RBFOX1: variants seen among roughly 807,000 people sequenced by gnomAD.
RBFOX1 encodes RNA binding protein fox-1 homolog 1.
Under a neutral mutation model 57.7 loss-of-function variants are expected in RBFOX1, and 8 were observed. The observed-to-expected ratio is 0.14, with a 90% CI of 0.08 to 0.25. The LOEUF (loss-of-function observed/expected upper bound fraction) is 0.25, where lower values mean the gene tolerates loss of function less well. Among genes scored for constraint, RBFOX1 ranks in the 10% least tolerant of loss-of-function variants. The pLI is 1.00. For missense variants in RBFOX1, 611 were observed against 548.5 expected, an observed-to-expected ratio of 1.11 and a Z score of -1.14; for synonymous variants, 326 against 222.4, an observed-to-expected ratio of 1.47 and a Z score of -4.15.
At chr16:5,808,669 C>G (rs1870994339) in intron 3 of RBFOX1, among the ~76,000 whole-genome samples, 1 of 152,030 alleles carries the variant, frequency 6.6e-6, no homozygotes, top group South Asian at 2.1e-4. Flanking sequence ...GTATTTTATT[C>G]TCTTTGAAGC....
intron 3 of RBFOX1, among the ~76,000 whole-genome samples, chr16:7,049,548 T>C (rs1435843708): frequency 2.0e-5 from 3 of 152,092 alleles, no homozygotes; most frequent in African/African-American, 7.2e-5. Flanking sequence ...AAAACCAGAG[T>C]GCTTCTCCTG....
chr16:7,396,326 C>T lies in RBFOX1; in HGVS notation c.28-121821C>T, dbSNP rs139667839. ...TGTGGCCCCTGAGCAACAGTGTAAA[C>T]GGGCATACCTCAGTTACAAGCGGAT... On this transcript the variant is annotated intron_variant, in intron 4 of 15. Transcript: ENST00000550418. 1.5e-3 allele frequency among the ~76,000 whole-genome samples: 225 copies of T among 152,252 alleles called. 1 individual carries two copies. Among genetic ancestry groups the T allele is most frequent in the African/African-American group, 4.9e-3 (203 of 41,534 alleles).
chr16:7,566,150 G>C (rs1167159224), intron 5 of RBFOX1, among the ~76,000 whole-genome samples: 1 of 152,158 alleles, frequency 6.6e-6, no homozygotes, highest in Non-Finnish European at 1.5e-5. Context: ...ATTTGATAGA[G>C]TGTTTATCCA....
At chr16:7,002,762 A>G (rs2092942449) in intron 3 of RBFOX1, among the ~76,000 whole-genome samples, 1 of 152,172 alleles carries the variant, frequency 6.6e-6, no homozygotes. Flanking sequence ...TAAGTGGCTT[A>G]AAATACACTT....
intron 1 of RBFOX1, among the ~76,000 whole-genome samples, chr16:5,452,732 C>G (rs572608013): frequency 1.1e-4 from 17 of 151,938 alleles, no homozygotes; most frequent in African/African-American, 3.4e-4. Flanking sequence ...CAACCTCCGC[C>G]TCCTAGGTTC....
intron 2 of RBFOX1, among the ~76,000 whole-genome samples, chr16:6,576,476 C>G (rs983151493): frequency 2.6e-5 from 4 of 152,162 alleles, no homozygotes; most frequent in Admixed American, 2.6e-4. Context: ...CGAAGACCTG[C>G]TGTACTCTGA....
intron 4 of RBFOX1, among the ~76,000 whole-genome samples, chr16:7,467,387 G>C (rs532804827): frequency 1.2e-4 from 19 of 152,246 alleles, no homozygotes; most frequent in African/African-American, 4.3e-4. Context: ...GCCTTCTAGG[G>C]TTTTCTTGAA....
intron 12 of RBFOX1, among the ~76,000 whole-genome samples, chr16:7,656,880 G>A (rs541930058): frequency 2.0e-5 from 3 of 152,272 alleles, no homozygotes; most frequent in African/African-American, 7.2e-5. Context: ...TCCCAGAAGA[G>A]AAGAAATATG....
chr16:5,646,617 C>T lies in RBFOX1; in HGVS notation c.318+47656C>T, dbSNP rs1477382377. Among the ~76,000 whole-genome samples the T allele has an allele frequency of 2.0e-5, 3 of 151,958 alleles. No individual in the cohort carries two copies. The East Asian group carries it at 5.8e-4, about 29-fold the overall frequency. Reference sequence around the variant, plus strand: ...AGGGAGGGCATGGCAGGGGTCTGGGCAGGTAAGGGAAGACCCTCTTATTTT... The same window carrying T: ...AGGGAGGGCATGGCAGGGGTCTGGGTAGGTAAGGGAAGACCCTCTTATTTT... On this transcript the variant is annotated intron_variant, in intron 3 of 19. Coordinates refer to the RBFOX1 transcript ENST00000641259.
intron 1 of RBFOX1, among the ~76,000 whole-genome samples, chr16:6,063,539 C>G (rs912724229): frequency 6.6e-6 from 1 of 151,518 alleles, no homozygotes; most frequent in African/African-American, 2.4e-5. Flanking sequence ...ACCTTCCTCA[C>G]TGATCATATT....
At chr16:7,678,836 C>G (rs2074041741) in intron 14 of RBFOX1, among the ~76,000 whole-genome samples, 1 of 152,154 alleles carries the variant, frequency 6.6e-6, no homozygotes, top group South Asian at 2.1e-4. Flanking sequence ...TTCTCATTGG[C>G]AACATGTCCC....
At chr16:6,486,045 G>A (rs1172490561) in intron 2 of RBFOX1, among the ~76,000 whole-genome samples, 1 of 130,836 alleles carries the variant, frequency 7.6e-6, no homozygotes, top group Non-Finnish European at 1.6e-5. Context: ...TCTACTAGGA[G>A]TATGATACAA....
intron 3 of RBFOX1, among the ~76,000 whole-genome samples, chr16:7,041,762 T>G (rs944886866): frequency 2.0e-5 from 3 of 152,236 alleles, no homozygotes; most frequent in Admixed American, 6.5e-5. Context: ...CCCAAGTCAT[T>G]TGACCCAGTG....
At chr16:7,351,628 G>T (rs541899615) in intron 4 of RBFOX1, among the ~76,000 whole-genome samples, 1 of 152,280 alleles carries the variant, frequency 6.6e-6, no homozygotes, top group South Asian at 2.1e-4. Context: ...TTATTGTCTT[G>T]AAATTTTTCA....
intron 3 of RBFOX1, among the ~76,000 whole-genome samples, chr16:5,776,817 C>T (rs2151692983): frequency 6.6e-6 from 1 of 152,328 alleles, no homozygotes; most frequent in South Asian, 2.1e-4. Context: ...CAGAACAGCC[C>T]TGTCCAGGAG....
intron 2 of RBFOX1, among the ~76,000 whole-genome samples, chr16:6,625,283 C>T (rs1257477625): frequency 6.7e-6 from 1 of 149,508 alleles, no homozygotes; most frequent in African/African-American, 2.5e-5. Context: ...GTGAGAAGGA[C>T]ACAGAATAGA....
At position 6,033,580 on chromosome 16, in the gene RBFOX1, C is replaced by T. The variant is rs544980618; in HGVS notation, c.-127+13588C>T. ...TTAAGAATACCTTTTAAGGATTATT[C>T]CCTCTCATTGTGTGTGTGTGTGTGC... is the stretch of plus-strand genomic sequence containing the variant. On this transcript the variant is annotated intron_variant, in intron 1 of 15. Transcript: ENST00000550418. Among the ~76,000 whole-genome samples, 11 of 152,186 alleles carry T rather than the reference C, an allele frequency of 7.2e-5. No homozygotes were observed. In the South Asian group the frequency reaches 1.9e-3, roughly 26 times the overall value.
At chr16:7,055,380 C>T (rs2051799060) in intron 4 of RBFOX1, among the ~76,000 whole-genome samples, 1 of 152,116 alleles carries the variant, frequency 6.6e-6, no homozygotes, top group Admixed American at 6.5e-5. Flanking sequence ...AAATAACTCT[C>T]CACCTCCCAG....
At chr16:7,039,797 A>T (rs772050192) in intron 3 of RBFOX1, among the ~76,000 whole-genome samples, 7 of 152,158 alleles carry the variant, frequency 4.6e-5, no homozygotes, top group Non-Finnish European at 1.0e-4. Context: ...TTATAAACTC[A>T]GGTATCTAAT....
Sources: gnomAD v4.1 joint callset for allele counts (sites outside exome capture counted in the v4.1 genomes callset) on GRCh38, gnomAD v4.1.1 for gene constraint, MANE v1.5 for transcripts, NCBI Gene and HGNC (gene_info 2026-07-23, HGNC 2026-07-21) for gene names.